The following ARID3A variants were observed in gnomAD, a reference collection of about 807,000 sequenced individuals.
ARID3A encodes the protein AT-rich interactive domain-containing protein 3A.
ARID3A carries 11 observed loss-of-function variants against 52.7 expected under a neutral mutation model. That is an observed-to-expected ratio of 0.21 (90% CI 0.13 to 0.35). The LOEUF (loss-of-function observed/expected upper bound fraction) is 0.35, where lower values mean the gene tolerates loss of function less well. Ranked by LOEUF, ARID3A falls within the 10% of genes least tolerant of loss-of-function variation. ARID3A has a pLI of 1.00. For synonymous variants in ARID3A, 404 were observed against 359.4 expected (o/e 1.12, Z -1.40); for missense variants, 721 against 838.5 (o/e 0.86, Z 1.73).
At chr19:936,803 T>C (rs2037448054) in intron 3 of ARID3A, among the ~76,000 whole-genome samples, 1 of 152,090 alleles carries the variant, frequency 6.6e-6, no homozygotes, top group South Asian at 2.1e-4. Context: ...ATCATGCCAC[T>C]GCACTCCAGC....
Position 944,264 on chromosome 19 carries a change from C to T in ARID3A, c.693+11522C>T, listed in dbSNP as rs374579079. Among the ~76,000 whole-genome samples the T allele has an allele frequency of 2.6e-3, 398 of 152,008 alleles. 3 individuals are homozygous for T. The highest frequency in any genetic ancestry group is 8.5e-3 in the East Asian group (44 of 5,180). ...AGCGCGGTGGAGGGCGGGCCTGTCT[C>T]GCCGTTATCTCCCAGGCGTGTCTGC... On this transcript the variant is annotated intron_variant, in intron 3 of 8. Coordinates refer to ENST00000263620, the MANE Select transcript of ARID3A (RefSeq NM_005224.3). This position sits in a 1 kb window ranked among gnomAD's most constrained non-coding sequence, Gnocchi z 5.9.
rs577362989 is a variant in ARID3A at position 938,330 on chromosome 19, C to T, written c.693+5588C>T. Among the ~76,000 whole-genome samples, 35 of 152,320 alleles carry T rather than the reference C, an allele frequency of 2.3e-4. No individual in the cohort carries two copies. The highest frequency in any genetic ancestry group is 7.2e-4 in the Admixed American group (11 of 15,298). Reference sequence around the variant, plus strand: ...CTAGCCGGTATCTGTTGCTTCACTGCGTGAAGAAAGTGACTGAGTGTTTTA... The same window carrying T: ...CTAGCCGGTATCTGTTGCTTCACTGTGTGAAGAAAGTGACTGAGTGTTTTA... On this transcript the variant is annotated intron_variant, in intron 3 of 8. Coordinates refer to ENST00000263620, the MANE Select transcript of ARID3A (RefSeq NM_005224.3). This position sits in a 1 kb window ranked among gnomAD's most constrained non-coding sequence, Gnocchi z 4.0.
At chr19:969,450 T>A (rs1005861025) in intron 8 of ARID3A, among the ~76,000 whole-genome samples, 2 of 150,528 alleles carry the variant, frequency 1.3e-5, no homozygotes, top group Non-Finnish European at 3.0e-5. Context: ...GTAGGGAGGA[T>A]CACTTGAGCC....
In ARID3A at chr19:968,405, C is replaced by T; in HGVS notation, c.1496C>T (p.Ala499Val). 1.9e-6 allele frequency: 3 copies of T among 1,610,542 alleles called. No homozygotes were observed. The highest frequency in any genetic ancestry group is 2.2e-5 in the East Asian group (1 of 44,852). The change falls in exon 8 of 9, where the codon GCC becomes GTC. Residue 499 changes from alanine (A) to valine (V), a missense_variant and splice_region_variant. This residue lies in a region of ARID3A where 297 missense variants were observed against 343.2 expected (regional missense o/e 0.87). Transcript: ENST00000263620. ...LPMSIRINSQ[A>V]SESRQDSAVN... ...AACTAATTTGTTCTTCTTCCCACAGCCTCCGAAAGCCGCCAGGACTCTGCT... is the reference window on the plus strand; with the variant it reads ...AACTAATTTGTTCTTCTTCCCACAGTCTCCGAAAGCCGCCAGGACTCTGCT...
At position 929,456 on chromosome 19, in the gene ARID3A, G is replaced by C; in HGVS notation, c.-73G>C. On this transcript the variant is annotated 5_prime_UTR_variant, in exon 2 of 9. Transcript: ENST00000263620. This position sits in a 1 kb window ranked among gnomAD's most constrained non-coding sequence, Gnocchi z 6.2. ...GCCGGGCCCCCTCCCCGCAGGGGCC[G>C]CCCCCGCCGCCCACCCCTAGCGCCC... The C allele has an allele frequency of 2.7e-3, 2,865 of 1,056,058 alleles. No homozygotes were observed. Among genetic ancestry groups the C allele is most frequent in the Non-Finnish European group, 3.2e-3 (2,635 of 817,032 alleles). The allele number at this position is 1,056,058 out of a possible 1,614,324, so 65.4% of individuals were successfully genotyped here. A position where few individuals can be genotyped will look rare whatever the true frequency, so the allele number is the denominator to read the frequency against.
At chr19:937,690 T>C (rs1334245384) in intron 3 of ARID3A, among the ~76,000 whole-genome samples, 3 of 150,460 alleles carry the variant, frequency 2.0e-5, no homozygotes, top group Non-Finnish European at 4.4e-5. Flanking sequence ...CACCACTTGT[T>C]ATTGTCGACT....
rs900254740 is a variant in ARID3A, at chr19:941,435, C to T, written c.693+8693C>T. Reference sequence around the variant, plus strand: ...TGCACCCAGCCAGCGGCACCTCACGCGCCCGCCTGCGTGTCCCCAGCCAGC... The same window carrying T: ...TGCACCCAGCCAGCGGCACCTCACGTGCCCGCCTGCGTGTCCCCAGCCAGC... On this transcript the variant is annotated intron_variant, in intron 3 of 8. Coordinates refer to ENST00000263620, the MANE Select transcript of ARID3A (RefSeq NM_005224.3). This position sits in a 1 kb window ranked among gnomAD's most constrained non-coding sequence, Gnocchi z 6.9. Among the ~76,000 whole-genome samples, 12 of 152,304 alleles carry T rather than the reference C, an allele frequency of 7.9e-5. No individual in the cohort carries two copies. The highest frequency in any genetic ancestry group is 5.2e-4 in the Admixed American group (8 of 15,300).
chr19:936,618 G>T (rs188844962), intron 3 of ARID3A, among the ~76,000 whole-genome samples: 1 of 151,982 alleles, frequency 6.6e-6, no homozygotes, highest in Admixed American at 6.6e-5. Flanking sequence ...CGGGGCAGGC[G>T]GATCACGAGG....
At position 929,439 on chromosome 19, in the gene ARID3A, C is replaced by CCCA; in HGVS notation, c.-88_-87insACC. 54 of 1,250,610 alleles carry CCCA rather than the reference C, an allele frequency of 4.3e-5. No homozygotes were observed. The highest frequency in any genetic ancestry group is 3.2e-4 in the Middle Eastern group (1 of 3,128). 77.5% of individuals were successfully genotyped at this position (1,250,610 alleles called of 1,614,324 possible). On this transcript the variant is annotated 5_prime_UTR_variant, in exon 2 of 9. Transcript: ENST00000263620. The surrounding 1 kb of genome is among the most constrained non-coding windows in gnomAD (Gnocchi z 6.2). ...CCCCACGCTGCAGTGCGGCCGGGCC[C>CCCA]CCTCCCCGCAGGGGCCGCCCCCGCC... is the stretch of plus-strand genomic sequence containing the variant.
chr19:973,104 A>ATTTTTTTTTTTTCTTTTTTT lies in ARID3A; in HGVS notation c.*1051_*1052insCTTTTTTTTTTTTTTTTTTT, dbSNP rs2038315245. 1.9e-5 allele frequency: 1 copy of ATTTTTTTTTTTTCTTTTTTT among 53,488 alleles called. No homozygotes were observed. The highest frequency in any genetic ancestry group is 3.4e-5 in the Non-Finnish European group (1 of 29,006). The allele number at this position is 53,488 out of a possible 1,614,324, so 3.3% of individuals were successfully genotyped here. ...GGGCTCTCGAGTCAGGGGCCTGGAA[A>ATTTTTTTTTTTTCTTTTTTT]TTTTTTTTTTTTTTTTTTTTTGAGA... On this transcript the variant is annotated 3_prime_UTR_variant, in exon 9 of 9. Coordinates refer to ENST00000263620, the MANE Select transcript of ARID3A (RefSeq NM_005224.3).
chr19:933,526 G>A (rs1039917928), intron 3 of ARID3A, among the ~76,000 whole-genome samples: 5 of 152,194 alleles, frequency 3.3e-5, no homozygotes, highest in African/African-American at 9.7e-5. Context: ...CTCCTCGCCC[G>A]GGGCTGGAGC....
rs1407488749 is a variant in ARID3A at position 929,857 on chromosome 19, G to T, written c.329G>T (p.Gly110Val). 4 of 1,544,312 alleles carry T rather than the reference G, an allele frequency of 2.6e-6. No homozygotes were observed. The highest frequency in any genetic ancestry group is 4.9e-5 in the East Asian group (2 of 40,976). The change falls in exon 2 of 9, where the codon GGA (glycine) becomes GTA (valine). Residue 110 changes from glycine to valine, a missense_variant. By Grantham distance (109) the Gly-to-Val change is moderately radical (BLOSUM62 -3). Transcript: ENST00000263620. The surrounding 1 kb of genome is among the most constrained non-coding windows in gnomAD (Gnocchi z 6.2). ...CCCGGGCGAGGCAGAGAAGGGCCAG[G>T]AGAGGAGCACTTTGAGGACATGGCC... ...GSPGRGREGP[G>V]EEHFEDMASD...
At chr19:954,662 T>G (rs2037876928) in intron 3 of ARID3A, among the ~76,000 whole-genome samples, 2 of 150,554 alleles carry the variant, frequency 1.3e-5, no homozygotes, top group South Asian at 4.2e-4. Context: ...TCGGTAAAGG[T>G]GGGTGGGAGC....
chr19:957,579 G>A (rs1421408035), intron 3 of ARID3A, among the ~76,000 whole-genome samples: 5 of 152,168 alleles, frequency 3.3e-5, no homozygotes, highest in African/African-American at 7.2e-5. Flanking sequence ...GGTGGCTCCC[G>A]CCTGTGACCC....
In ARID3A at chr19:959,192, C is replaced by T. The variant is rs80199069; in HGVS notation, c.694-900C>T. ...GCGACGCGGCCACAAGCCCAGGAACCTGGAGCCCCCAGAAGCCGTGAGAGG... is the reference window on the plus strand; with the variant it reads ...GCGACGCGGCCACAAGCCCAGGAACTTGGAGCCCCCAGAAGCCGTGAGAGG... On this transcript the variant is annotated intron_variant, in intron 3 of 8. Transcript: ENST00000263620. The surrounding 1 kb of genome is among the most constrained non-coding windows in gnomAD (Gnocchi z 5.0). Among the ~76,000 whole-genome samples, 736 of 152,220 alleles carry T rather than the reference C, an allele frequency of 4.8e-3. 9 individuals are homozygous for T. The highest frequency in any genetic ancestry group is 0.017 in the African/African-American group (700 of 41,530).
chr19:943,778 G>A lies in ARID3A; in HGVS notation c.693+11036G>A, dbSNP rs187714592. ...GTGGAGAGAAGAAACCTCTGCTGAC[G>A]TGGCACCGTGCCCTGGGCAAGGTTA... On this transcript the variant is annotated intron_variant, in intron 3 of 8. Coordinates refer to ENST00000263620, the MANE Select transcript of ARID3A (RefSeq NM_005224.3). Among the ~76,000 whole-genome samples the A allele has an allele frequency of 3.8e-3, 579 of 152,318 alleles. 2 individuals carry two copies. Among genetic ancestry groups the A allele is most frequent in the Non-Finnish European group, 6.1e-3 (414 of 68,024 alleles).
At chr19:953,099 A>T (rs1000569907) in intron 3 of ARID3A, among the ~76,000 whole-genome samples, 1 of 151,136 alleles carries the variant, frequency 6.6e-6, no homozygotes, top group Non-Finnish European at 1.5e-5. Context: ...TGGGCTGGGG[A>T]GGGGAGTCCT....
chr19:943,777 C>T (rs989030731), intron 3 of ARID3A, among the ~76,000 whole-genome samples: 7 of 152,204 alleles, frequency 4.6e-5, no homozygotes, highest in African/African-American at 9.6e-5. Flanking sequence ...CCTCTGCTGA[C>T]GTGGCACCGT....
At chr19:931,631 T>C in intron 2 of ARID3A, among the ~76,000 whole-genome samples, 1 of 151,588 alleles carries the variant, frequency 6.6e-6, no homozygotes, top group East Asian at 1.9e-4. Context: ...GCTCACACGG[T>C]GAAACCCCGT....
Sources: allele counts gnomAD v4.1 joint callset (sites outside exome capture counted in the v4.1 genomes callset), GRCh38; gene constraint gnomAD v4.1.1; regional missense constraint gnomAD v4.1.1; non-coding constraint Gnocchi (gnomAD v3.1); transcripts MANE v1.5; gene names NCBI Gene and HGNC (gene_info 2026-07-23, HGNC 2026-07-21).